Variants in COMMD10 observed in about 807,000 individuals in gnomAD.
The protein encoded by COMMD10 is COMM domain-containing protein 10.
In COMMD10, 33 loss-of-function variants were observed where a neutral mutation model predicts 28.9. The ratio of observed to expected loss-of-function variants is 1.14; its 90% CI spans 0.87 to 1.53. The LOEUF (loss-of-function observed/expected upper bound fraction) is 1.53, where lower values mean the gene tolerates loss of function less well. Ranked by LOEUF, COMMD10 falls within the 40% of genes most tolerant of loss-of-function variation. The probability of loss-of-function intolerance (pLI) is 0.00; values close to 1 mark genes in which losing one functional copy is unlikely to be tolerated. For synonymous variants in COMMD10, 110 were observed against 81.7 expected, an observed-to-expected ratio of 1.35 and a Z score of -1.87; for missense variants, 310 against 233.4, an observed-to-expected ratio of 1.33 and a Z score of -2.14.
chr5:116,228,759 G>T (rs1006489137), intron 5 of COMMD10, among the ~76,000 whole-genome samples: 1 of 151,886 alleles, frequency 6.6e-6, no homozygotes, highest in African/African-American at 2.4e-5. Flanking sequence ...GGATCACTGT[G>T]ACTCTCTCCT....
chr5:116,190,389 C>A (rs1019815463), intron 5 of COMMD10, among the ~76,000 whole-genome samples: 4 of 152,160 alleles, frequency 2.6e-5, no homozygotes, highest in African/African-American at 9.6e-5. Flanking sequence ...ATTCTACTTA[C>A]ATACAAAATA....
intron 5 of COMMD10, among the ~76,000 whole-genome samples, chr5:116,163,286 A>T (rs1478641125): frequency 6.6e-6 from 1 of 151,810 alleles, no homozygotes; most frequent in Non-Finnish European, 1.5e-5. Flanking sequence ...CTTATAATTT[A>T]AAAAAAGATA....
At chr5:116,108,884 T>G (rs1284553501) in intron 4 of COMMD10, among the ~76,000 whole-genome samples, 1 of 152,104 alleles carries the variant, frequency 6.6e-6, no homozygotes, top group Admixed American at 6.6e-5. Context: ...AAAGCACAGT[T>G]TCTGGGCCGG....
intron 5 of COMMD10, among the ~76,000 whole-genome samples, chr5:116,258,930 A>G (rs903989863): frequency 4.0e-5 from 6 of 151,462 alleles, no homozygotes; most frequent in African/African-American, 1.2e-4. Flanking sequence ...TCTTTTTTTC[A>G]GTAGCTACTA....
At chr5:116,182,905 T>C (rs547292799) in intron 5 of COMMD10, among the ~76,000 whole-genome samples, 1 of 152,212 alleles carries the variant, frequency 6.6e-6, no homozygotes, top group Non-Finnish European at 1.5e-5. Context: ...TCAAGAGATC[T>C]GATGGTTTTT....
intron 4 of COMMD10, among the ~76,000 whole-genome samples, chr5:116,097,246 G>A (rs769602698): frequency 2.6e-5 from 4 of 152,084 alleles, no homozygotes; most frequent in East Asian, 1.9e-4. Flanking sequence ...GTAATTCTGG[G>A]TATATCATAG....
intron 5 of COMMD10, among the ~76,000 whole-genome samples, chr5:116,246,146 C>G (rs1554054657): frequency 6.6e-6 from 1 of 152,070 alleles, no homozygotes; most frequent in Non-Finnish European, 1.5e-5. Flanking sequence ...TCTCAGAATA[C>G]AACATGAGTG....
At chr5:116,263,641 C>G (rs998349673) in intron 5 of COMMD10, among the ~76,000 whole-genome samples, 1 of 151,682 alleles carries the variant, frequency 6.6e-6, no homozygotes, top group Non-Finnish European at 1.5e-5. Flanking sequence ...TTGGTCTCCA[C>G]AATCGTTTTT....
intron 5 of COMMD10, among the ~76,000 whole-genome samples, chr5:116,195,970 G>A (rs187985724): frequency 5.9e-5 from 9 of 152,164 alleles, no homozygotes; most frequent in Admixed American, 1.3e-4. Flanking sequence ...CAGGAAACAC[G>A]TCTACACTGC....
At chr5:116,221,324 T>G (rs1383336000) in intron 5 of COMMD10, among the ~76,000 whole-genome samples, 1 of 152,156 alleles carries the variant, frequency 6.6e-6, no homozygotes, top group East Asian at 1.9e-4. Context: ...CTCTGGGAGA[T>G]GGATTTGAGG....
At chr5:116,204,805 G>A (rs1444809535) in intron 5 of COMMD10, among the ~76,000 whole-genome samples, 1 of 151,962 alleles carries the variant, frequency 6.6e-6, no homozygotes, top group Admixed American at 6.6e-5. Context: ...TGGAGGTCGT[G>A]GTATACGGTA....
chr5:116,239,075 C>G (rs1184507283), intron 5 of COMMD10, among the ~76,000 whole-genome samples: 1 of 152,054 alleles, frequency 6.6e-6, no homozygotes, highest in Non-Finnish European at 1.5e-5. Flanking sequence ...TAACTGTTGT[C>G]TCTTTAATTA....
At position 116,218,239 on chromosome 5, in the gene COMMD10, G is replaced by A. The variant is rs10061942; in HGVS notation, c.511-73278G>A. ...ACCTTGCAGATCTTCTCTGTGGTTC[G>A]TCCTTTACCTTGGCTTTATCTCCTT... On this transcript the variant is annotated intron_variant, in intron 5 of 6. Coordinates refer to ENST00000274458, the MANE Select transcript of COMMD10 (RefSeq NM_016144.4). 3.2e-3 allele frequency: 2,385 copies of A among 751,208 alleles called. 46 individuals are homozygous for A. In the African/African-American group the frequency reaches 0.036, roughly 11 times the overall value. 46.5% of individuals were successfully genotyped at this position (751,208 alleles called of 1,614,324 possible).
At chr5:116,289,322 T>C (rs1289214021) in intron 5 of COMMD10, among the ~76,000 whole-genome samples, 1 of 151,914 alleles carries the variant, frequency 6.6e-6, no homozygotes, top group Non-Finnish European at 1.5e-5. Context: ...TATTGCTTTG[T>C]ATGCTTTGTG....
At chr5:116,195,574 A>C (rs548867537) in intron 5 of COMMD10, among the ~76,000 whole-genome samples, 1 of 152,244 alleles carries the variant, frequency 6.6e-6, no homozygotes, top group Non-Finnish European at 1.5e-5. Context: ...AAAAATAAAT[A>C]AGTAAGATAC....
chr5:116,192,266 C>CAA (rs1561660018), intron 5 of COMMD10, among the ~76,000 whole-genome samples: 1 of 120,176 alleles, frequency 8.3e-6, no homozygotes, highest in Admixed American at 9.0e-5. Context: ...TTAACAACCC[C>CAA]CCCCCCCAAA....
rs759898407 is a variant in COMMD10, at chr5:116,085,062, C to T, written c.10C>T (p.Pro4Ser). The change falls in exon 1 of 7, where the codon CCC becomes TCC. Residue 4 changes from proline to serine, a missense_variant. By Grantham distance (74) the Pro-to-Ser change is moderately conservative (BLOSUM62 -1). Transcript: ENST00000274458. ...TGCGAGAAAGCCGAAGATGGCGGTCCCCGCGGCGCTGATCCTACGGGAGAG... is the reference window on the plus strand; with the variant it reads ...TGCGAGAAAGCCGAAGATGGCGGTCTCCGCGGCGCTGATCCTACGGGAGAG... Reference protein sequence around the residue: MAVPAALILRESPS... With the variant: MAVSAALILRESPS... 10 of 1,609,332 alleles carry T rather than the reference C, an allele frequency of 6.2e-6. No individual in the cohort carries two copies. In the South Asian group the frequency reaches 6.7e-5, roughly 11 times the overall value.
At chr5:116,290,786 A>G (rs1751341277) in intron 5 of COMMD10, among the ~76,000 whole-genome samples, 1 of 152,180 alleles carries the variant, frequency 6.6e-6, no homozygotes, top group South Asian at 2.1e-4. Flanking sequence ...AGTCTTAAGC[A>G]AATTGTTTGA....
At chr5:116,097,253 A>AT (rs1173298534) in intron 4 of COMMD10, among the ~76,000 whole-genome samples, 1 of 152,216 alleles carries the variant, frequency 6.6e-6, no homozygotes, top group African/African-American at 2.4e-5. Context: ...TGGGTATATC[A>AT]TAGGATTGCT....
Sources: allele counts gnomAD v4.1 joint callset (sites outside exome capture counted in the v4.1 genomes callset), GRCh38; gene constraint gnomAD v4.1.1; transcripts MANE v1.5; gene names NCBI Gene and HGNC (gene_info 2026-07-23, HGNC 2026-07-21).